The following ALCAM variants were observed in gnomAD, a reference collection of about 807,000 sequenced individuals.
The protein encoded by ALCAM is activated leukocyte cell adhesion molecule, also known as CD166 antigen.
Under a neutral mutation model 70.9 loss-of-function variants are expected in ALCAM, and 30 were observed. The observed-to-expected ratio is 0.42, with a 90% CI of 0.32 to 0.57. ALCAM has a LOEUF of 0.57. Ranked by LOEUF, ALCAM falls within the 20% of genes least tolerant of loss-of-function variation. The pLI is 0.11. For synonymous variants in ALCAM, 249 were observed against 242.5 expected (o/e 1.03, Z -0.25); for missense variants, 591 against 695.1 (o/e 0.85, Z 1.68).
chr3:105,521,411 G>T (rs1020269313), intron 2 of ALCAM, among the ~76,000 whole-genome samples: 4 of 150,680 alleles, frequency 2.7e-5, no homozygotes, highest in Non-Finnish European at 4.4e-5. Flanking sequence ...TTGATTCATT[G>T]CTTAGATTTA....
intron 14 of ALCAM, among the ~76,000 whole-genome samples, chr3:105,571,248 A>G (rs1940855277): frequency 6.6e-6 from 1 of 152,152 alleles, no homozygotes; most frequent in South Asian, 2.1e-4. Flanking sequence ...CATTTCTTGC[A>G]AGTTCACAGG....
chr3:105,499,959 G>A (rs1216089016), intron 1 of ALCAM, among the ~76,000 whole-genome samples: 1 of 152,160 alleles, frequency 6.6e-6, no homozygotes, highest in African/African-American at 2.4e-5. Flanking sequence ...AGCCTTTAAT[G>A]TAATATCTGC....
At chr3:105,446,549 C>A (rs1937302552) in intron 1 of ALCAM, among the ~76,000 whole-genome samples, 1 of 148,222 alleles carries the variant, frequency 6.7e-6, no homozygotes, top group African/African-American at 2.5e-5. Context: ...TTCATAATAG[C>A]CATGATATGG....
intron 1 of ALCAM, among the ~76,000 whole-genome samples, chr3:105,450,300 C>T (rs529383896): frequency 8.5e-5 from 13 of 152,112 alleles, no homozygotes; most frequent in South Asian, 2.1e-4. Flanking sequence ...TCTGATACTC[C>T]GGATAATTCC....
chr3:105,478,054 C>A lies in ALCAM; in HGVS notation c.74-42013C>A, dbSNP rs1275785756. ...TCTAACATCTGTGTCATCTTTGGAT[C>A]ATTCTCCCTTGATTTTTTCCCCTGA... On this transcript the variant is annotated intron_variant, in intron 1 of 15. Transcript: ENST00000306107. Among the ~76,000 whole-genome samples the A allele has an allele frequency of 2.6e-5, 4 of 152,044 alleles. No individual in the cohort carries two copies. In the East Asian group the frequency reaches 7.7e-4, roughly 29 times the overall value.
intron 1 of ALCAM, among the ~76,000 whole-genome samples, chr3:105,426,201 A>T (rs1936786812): frequency 1.3e-5 from 2 of 151,884 alleles, no homozygotes; most frequent in South Asian, 2.1e-4. Flanking sequence ...TAGTGTTCTA[A>T]CTGGTAAAAT....
chr3:105,442,917 A>G (rs1265155392), intron 1 of ALCAM, among the ~76,000 whole-genome samples: 2 of 152,112 alleles, frequency 1.3e-5, no homozygotes, highest in East Asian at 3.9e-4. Context: ...GCAGCCTTGA[A>G]CTCCTGGGCT....
intron 1 of ALCAM, among the ~76,000 whole-genome samples, chr3:105,372,337 T>C (rs1935256725): frequency 6.6e-6 from 1 of 152,124 alleles, no homozygotes; most frequent in African/African-American, 2.4e-5. Flanking sequence ...GCTTAAATAA[T>C]AAATTTTACA....
intron 1 of ALCAM, among the ~76,000 whole-genome samples, chr3:105,443,805 TCTTA>T (rs1937233822): frequency 6.6e-6 from 1 of 152,218 alleles, no homozygotes; most frequent in East Asian, 1.9e-4. Flanking sequence ...TTCAAAACTC[TCTTA>T]CTTTTACATT....
chr3:105,509,233 G>A (rs1483460661), intron 1 of ALCAM, among the ~76,000 whole-genome samples: 1 of 152,064 alleles, frequency 6.6e-6, no homozygotes, highest in African/African-American at 2.4e-5. Flanking sequence ...ATACCCAGAA[G>A]TGGGATTGCT....
intron 5 of ALCAM, among the ~76,000 whole-genome samples, chr3:105,534,106 T>C (rs73175407): frequency 0.1 from 15,351 of 152,092 alleles, 986 homozygotes; most frequent in Middle Eastern, 0.17. Context: ...TTTGCATTCC[T>C]GTAAGAACGT....
chr3:105,430,087 A>G (rs1936890586), intron 1 of ALCAM, among the ~76,000 whole-genome samples: 1 of 151,994 alleles, frequency 6.6e-6, no homozygotes, highest in South Asian at 2.1e-4. Context: ...ATTTTCATGG[A>G]CACTATATTT....
At chr3:105,401,586 AAGAT>A (rs1936090166) in intron 1 of ALCAM, among the ~76,000 whole-genome samples, 1 of 152,192 alleles carries the variant, frequency 6.6e-6, no homozygotes, top group African/African-American at 2.4e-5. Flanking sequence ...AATAATCACT[AAGAT>A]AGATAGAGTC....
chr3:105,538,983 G>T (rs2152628610), intron 6 of ALCAM, among the ~76,000 whole-genome samples: 1 of 151,982 alleles, frequency 6.6e-6, no homozygotes, highest in Admixed American at 6.6e-5. Context: ...ATAGAACAAA[G>T]CCTCCAAAAG....
At chr3:105,372,860 A>G (rs1935271797) in intron 1 of ALCAM, among the ~76,000 whole-genome samples, 2 of 152,116 alleles carry the variant, frequency 1.3e-5, no homozygotes, top group Non-Finnish European at 2.9e-5. Flanking sequence ...ATGAAACTAA[A>G]CCTTTGCAAT....
chr3:105,430,266 ATATT>A (rs1273827097), intron 1 of ALCAM, among the ~76,000 whole-genome samples: 5 of 151,962 alleles, frequency 3.3e-5, no homozygotes, highest in Non-Finnish European at 7.4e-5. Flanking sequence ...ACTAAAATTC[ATATT>A]TTATTCAGTT....
intron 1 of ALCAM, among the ~76,000 whole-genome samples, chr3:105,418,071 C>T (rs1212617498): frequency 1.3e-5 from 2 of 151,674 alleles, no homozygotes; most frequent in African/African-American, 4.8e-5. Context: ...GCTGACTCAC[C>T]CTGAGTAAAA....
intron 1 of ALCAM, among the ~76,000 whole-genome samples, chr3:105,500,758 A>T (rs752762607): frequency 3.3e-5 from 5 of 152,184 alleles, no homozygotes; most frequent in Non-Finnish European, 7.3e-5. Context: ...AGGATGAGTG[A>T]CTGCAATAAA....
intron 1 of ALCAM, among the ~76,000 whole-genome samples, chr3:105,485,984 C>A (rs1295618688): frequency 6.6e-6 from 1 of 151,472 alleles, no homozygotes; most frequent in Non-Finnish European, 1.5e-5. Flanking sequence ...TTACCAACTG[C>A]CAAAATAACA....
Sources: gnomAD v4.1 joint callset for allele counts (sites outside exome capture counted in the v4.1 genomes callset) on GRCh38, gnomAD v4.1.1 for gene constraint, MANE v1.5 for transcripts, NCBI Gene and HGNC (gene_info 2026-07-23, HGNC 2026-07-21) for gene names.